The following ATF7 variants were observed in gnomAD, a reference collection of about 807,000 sequenced individuals.
ATF7 encodes cyclic AMP-dependent transcription factor ATF-7.
In ATF7, 10 loss-of-function variants were observed where a neutral mutation model predicts 50.4. The ratio of observed to expected loss-of-function variants is 0.20; its 90% CI spans 0.12 to 0.34. ATF7 has a LOEUF of 0.34. Ranked by LOEUF, ATF7 falls within the 10% of genes least tolerant of loss-of-function variation. ATF7 has a pLI of 1.00. For missense variants in ATF7, 465 were observed against 613.9 expected (o/e 0.76, Z 2.56); for synonymous variants, 201 against 226.4 (o/e 0.89, Z 1.01).
intron 2 of ATF7, among the ~76,000 whole-genome samples, chr12:53,555,909 G>C (rs779870458): frequency 2.0e-5 from 3 of 151,954 alleles, no homozygotes; most frequent in Admixed American, 2.0e-4. Flanking sequence ...TCCACCTCCC[G>C]GGTTCAAGCG....
chr12:53,610,659 A>G (rs1446998474), intron 1 of ATF7, among the ~76,000 whole-genome samples: 1 of 152,128 alleles, frequency 6.6e-6, no homozygotes, highest in Non-Finnish European at 1.5e-5. Flanking sequence ...TGTTTTACCA[A>G]CACTTCAGAG....
intron 2 of ATF7, among the ~76,000 whole-genome samples, chr12:53,595,881 T>C (rs1943130361): frequency 6.6e-6 from 1 of 152,174 alleles, no homozygotes; most frequent in Non-Finnish European, 1.5e-5. Context: ...TTTCAACCTG[T>C]ACCTAAATGT....
At chr12:53,597,784 G>C (rs1943230665) in intron 2 of ATF7, among the ~76,000 whole-genome samples, 2 of 150,464 alleles carry the variant, frequency 1.3e-5, no homozygotes, top group Admixed American at 6.6e-5. Flanking sequence ...ACTCCAGCTT[G>C]GGCGACAGAG....
At chr12:53,614,230 G>T (rs1944017935) in intron 1 of ATF7, among the ~76,000 whole-genome samples, 1 of 152,056 alleles carries the variant, frequency 6.6e-6, no homozygotes, top group South Asian at 2.1e-4. Flanking sequence ...CAAAAACAAA[G>T]AAGCAACAAC....
At chr12:53,527,340 GGCATGGTGAT>G (rs1938540598) in intron 9 of ATF7, among the ~76,000 whole-genome samples, 1 of 151,806 alleles carries the variant, frequency 6.6e-6, no homozygotes, top group African/African-American at 2.4e-5. Context: ...AAATTAGCTG[GGCATGGTGAT>G]GCATTCCTGT....
chr12:53,624,481 T>A lies in ATF7; in HGVS notation c.-22+1798A>T, dbSNP rs535779672. Among the ~76,000 whole-genome samples the A allele has an allele frequency of 8.5e-5, 13 of 152,336 alleles. No homozygotes were observed. In the South Asian group the frequency reaches 2.7e-3, roughly 32 times the overall value. On this transcript the variant is annotated intron_variant, in intron 1 of 11. Coordinates refer to ENST00000420353, the MANE Select transcript of ATF7 (RefSeq NM_006856.3). ...AGAAGTTATTAATTGGCTATATTAG[T>A]CCAATTCGTTATTAAATGATACACA... is the stretch of plus-strand genomic sequence containing the variant.
chr12:53,554,502 G>C (rs573386796), intron 2 of ATF7, among the ~76,000 whole-genome samples: 5 of 152,000 alleles, frequency 3.3e-5, no homozygotes, highest in African/African-American at 7.2e-5. Context: ...AGGCTGAGGT[G>C]GGGGGAGCCC....
At chr12:53,612,730 G>A (rs976271131) in intron 1 of ATF7, among the ~76,000 whole-genome samples, 10 of 152,138 alleles carry the variant, frequency 6.6e-5, no homozygotes, top group Admixed American at 6.6e-5. Context: ...CTGGCTGGGC[G>A]CAGTAGCTCT....
chr12:53,624,011 T>TA, intron 1 of ATF7, among the ~76,000 whole-genome samples: 1 of 152,326 alleles, frequency 6.6e-6, no homozygotes, highest in Non-Finnish European at 1.5e-5. Flanking sequence ...GTTATCACTC[T>TA]AGCTTTCTGC....
chr12:53,519,717 C>T (rs1220357970), intron 11 of ATF7, among the ~76,000 whole-genome samples: 1 of 152,070 alleles, frequency 6.6e-6, no homozygotes, highest in East Asian at 1.9e-4. Flanking sequence ...ATAAACAGTC[C>T]TTATCCTCTT....
chr12:53,598,347 G>A (rs1943250398), intron 2 of ATF7, among the ~76,000 whole-genome samples: 2 of 152,170 alleles, frequency 1.3e-5, no homozygotes, highest in South Asian at 4.1e-4. Context: ...AAAACCTTAA[G>A]TTGTACCTTT....
At chr12:53,536,615 C>T (rs10047546) in intron 5 of ATF7, among the ~76,000 whole-genome samples, 6,385 of 149,900 alleles carry the variant, frequency 0.043, 377 homozygotes, top group African/African-American at 0.13. Flanking sequence ...TGGCCGGGCG[C>T]GGTGGCTCAA....
At position 53,531,910 on chromosome 12, in the gene ATF7, T is replaced by C. The variant is rs1389126600; in HGVS notation, c.775-14A>G. ...GGCTTTCAGTCTCTGTGGGCAAAGA[T>C]AAGAAAAAATGCTTGTTAAGGATCA... On this transcript the variant is annotated splice_polypyrimidine_tract_variant and intron_variant, in intron 8 of 11. Coordinates refer to ENST00000420353, the MANE Select transcript of ATF7 (RefSeq NM_006856.3). The C allele has an allele frequency of 6.2e-7, 1 of 1,609,450 alleles. No homozygotes were observed. Among genetic ancestry groups the C allele is most frequent in the Non-Finnish European group, 8.5e-7 (1 of 1,178,680 alleles).
chr12:53,584,947 G>C (rs561164328), intron 2 of ATF7, among the ~76,000 whole-genome samples: 23 of 152,202 alleles, frequency 1.5e-4, no homozygotes, highest in Middle Eastern at 3.4e-3. Flanking sequence ...AAACTATTCT[G>C]TATGATACTA....
chr12:53,562,770 G>A (rs1941214203), intron 2 of ATF7, among the ~76,000 whole-genome samples: 1 of 151,968 alleles, frequency 6.6e-6, no homozygotes, highest in Admixed American at 6.6e-5. Context: ...GCCCAGTCAG[G>A]ACCAAGAATA....
chr12:53,611,943 G>T (rs1185331622), intron 1 of ATF7, among the ~76,000 whole-genome samples: 1 of 150,722 alleles, frequency 6.6e-6, no homozygotes, highest in African/African-American at 2.5e-5. Context: ...AGAATATGTT[G>T]TGATATGTGA....
At chr12:53,600,144 A>G (rs1943331008) in intron 2 of ATF7, among the ~76,000 whole-genome samples, 1 of 152,172 alleles carries the variant, frequency 6.6e-6, no homozygotes, top group South Asian at 2.1e-4. Context: ...TCTTTCCTAG[A>G]TAGGTATCTG....
chr12:53,585,789 G>A (rs985952760), intron 2 of ATF7, among the ~76,000 whole-genome samples: 43 of 151,984 alleles, frequency 2.8e-4, no homozygotes, highest in Admixed American at 2.6e-3. Flanking sequence ...TGTTCATGCG[G>A]TGGAGGAAGA....
intron 1 of ATF7, among the ~76,000 whole-genome samples, chr12:53,624,214 G>A (rs1041774601): frequency 6.6e-5 from 10 of 152,158 alleles, no homozygotes; most frequent in Admixed American, 6.6e-4. Flanking sequence ...TGAAATACTA[G>A]AACCCAGCTC....
Sources: gnomAD v4.1 joint callset for allele counts (sites outside exome capture counted in the v4.1 genomes callset) on GRCh38, gnomAD v4.1.1 for gene constraint, MANE v1.5 for transcripts, NCBI Gene and HGNC (gene_info 2026-07-23, HGNC 2026-07-21) for gene names.